The following UNC80 variants were observed in gnomAD, a reference collection of about 807,000 sequenced individuals.
UNC80 encodes unc-80 subunit of NALCN channel complex.
In UNC80, 164 loss-of-function variants were observed where a neutral mutation model predicts 384.6. The ratio of observed to expected loss-of-function variants is 0.43; its 90% CI spans 0.38 to 0.49. UNC80 has a LOEUF of 0.49. Ranked by LOEUF, UNC80 falls within the 20% of genes least tolerant of loss-of-function variation. The pLI, the probability that UNC80 is intolerant of heterozygous loss-of-function variation, is 0.00. For missense variants in UNC80, 3,330 were observed against 4,143.0 expected, an observed-to-expected ratio of 0.80 and a Z score of 5.39; for synonymous variants, 1,486 against 1,527.8, an observed-to-expected ratio of 0.97 and a Z score of 0.64.
chr2:209,889,141 A>G (rs185017987), intron 26 of UNC80, among the ~76,000 whole-genome samples: 3 of 152,228 alleles, frequency 2.0e-5, no homozygotes, highest in Non-Finnish European at 4.4e-5. Flanking sequence ...TTAACCAGAT[A>G]TGAAGTTTTT....
chr2:209,905,995 T>C (rs1055703643), intron 29 of UNC80, among the ~76,000 whole-genome samples: 5 of 152,228 alleles, frequency 3.3e-5, no homozygotes, highest in African/African-American at 1.2e-4. Flanking sequence ...GAGATTTTTA[T>C]ATAACACCTA....
intron 35 of UNC80, 99 bp from the exon 36 acceptor site, chr2:209,926,744 C>G: frequency 6.9e-7 from 1 of 1,443,158 alleles, no homozygotes; most frequent in East Asian, 2.5e-5. Flanking sequence ...CCACTGTACT[C>G]CAGCCTGGGT....
In UNC80 at chr2:209,834,952, TCTG is replaced by T; in HGVS notation, c.2985_2987del (p.Ala996del). On this transcript the variant is annotated inframe_deletion, in exon 18 of 65. Transcript: ENST00000673920. ...CATTGTGGATAAAGGCCAGGTATCC[TCTG>T]CACCTGAGGAATGTCGCAGCTTCAT... 3.9e-6 allele frequency: 6 copies of T among 1,551,226 alleles called. No homozygotes were observed. Among genetic ancestry groups the T allele is most frequent in the Non-Finnish European group, 5.2e-6 (6 of 1,146,586 alleles).
chr2:209,801,466 T>A (rs2078548885), intron 7 of UNC80, among the ~76,000 whole-genome samples: 1 of 143,442 alleles, frequency 7.0e-6, no homozygotes, highest in Non-Finnish European at 1.5e-5. Flanking sequence ...CACTGCAATC[T>A]CTGCCTCTTG....
chr2:209,945,137 C>G lies in UNC80; in HGVS notation c.7137C>G (p.Asp2379Glu). 1 of 1,551,506 alleles carries G rather than the reference C, an allele frequency of 6.4e-7. No homozygotes were observed. The highest frequency in any genetic ancestry group is 8.7e-7 in the Non-Finnish European group (1 of 1,146,892). ...AGTCCCTAGAGGGAGAGACCACCGACATATTAGACATCTTAGAGCTGGTCA... is the reference window on the plus strand; with the variant it reads ...AGTCCCTAGAGGGAGAGACCACCGAGATATTAGACATCTTAGAGCTGGTCA... ...LLQSLEGETTDILDILELVKA... is the reference protein window; with the variant it reads ...LLQSLEGETTEILDILELVKA... Residue 2379 changes from aspartate to glutamate, a missense_variant, in exon 46 of 65, where the codon GAC (aspartate) becomes GAG (glutamate). By Grantham distance (45) the Asp-to-Glu change is conservative (BLOSUM62 2). Transcript: ENST00000673920.
intron 52 of UNC80, chr2:209,969,526 C>A: frequency 2.0e-6 from 1 of 500,190 alleles, no homozygotes; most frequent in Non-Finnish European, 3.5e-6. Flanking sequence ...TAAAATGCAA[C>A]CCATTCATCA....
In UNC80 at chr2:209,815,261, T is replaced by TCAC; in HGVS notation, c.1208_1210dup (p.Thr403dup). Reference sequence around the variant, plus strand: ...TCACTGTCTACCTTTATTAAGGATCTCACCATGAAGTGTAACGAGGAGGAA... The same window carrying TCAC: ...TCACTGTCTACCTTTATTAAGGATCTCACCACCATGAAGTGTAACGAGGAGGAA... On this transcript the variant is annotated inframe_insertion, in exon 9 of 65. Transcript: ENST00000673920. 2 of 1,551,466 alleles carry TCAC rather than the reference T, an allele frequency of 1.3e-6. No individual in the cohort carries two copies. The highest frequency in any genetic ancestry group is 1.7e-6 in the Non-Finnish European group (2 of 1,146,926).
intron 24 of UNC80, 55 bp from the exon 25 acceptor site, chr2:209,880,906 T>G: frequency 1.3e-6 from 2 of 1,511,422 alleles, no homozygotes; most frequent in Non-Finnish European, 1.8e-6. Context: ...AAACTATGCA[T>G]TTCTGTATTT....
intron 5 of UNC80, among the ~76,000 whole-genome samples, chr2:209,787,966 C>A (rs1212475250): frequency 1.3e-5 from 2 of 152,100 alleles, no homozygotes; most frequent in Non-Finnish European, 2.9e-5. Context: ...CCCCTGAAGA[C>A]CTTCCTTTGG....
At chr2:209,987,552 A>G (rs1193282728) in intron 61 of UNC80, among the ~76,000 whole-genome samples, 1 of 152,232 alleles carries the variant, frequency 6.6e-6, no homozygotes, top group Non-Finnish European at 1.5e-5. Flanking sequence ...TTCTCTCCAG[A>G]AGAATAGAGA....
chr2:209,987,686 A>C lies in UNC80; in HGVS notation c.9314+2774A>C, dbSNP rs1439013001. Among the ~76,000 whole-genome samples, 4 of 152,180 alleles carry C rather than the reference A, an allele frequency of 2.6e-5. No homozygotes were observed. The South Asian group carries it at 6.2e-4, about 24-fold the overall frequency. On this transcript the variant is annotated intron_variant, in intron 61 of 64. Coordinates refer to ENST00000673920, the MANE Select transcript of UNC80 (RefSeq NM_001371986.1). ...AGTCAACTCTAATTTTTTTTTAAAA[A>C]AAGATTATAATGCTACTTGAATTTG...
Position 209,998,881 on chromosome 2 carries a change from T to C in UNC80, c.*3286T>C, listed in dbSNP as rs2093519810. 1 of 152,212 alleles carries C rather than the reference T, an allele frequency of 6.6e-6. No homozygotes were observed. Among genetic ancestry groups the C allele is most frequent in the South Asian group, 2.1e-4 (1 of 4,836 alleles). 9.4% of individuals were successfully genotyped at this position (152,212 alleles called of 1,614,324 possible). The stretch of plus-strand genomic sequence containing the variant: ...GTAAAAAATCCCACTTCTTTTTACT[T>C]TAGTGGGTCTCAACTGCAGCATTTC... On this transcript the variant is annotated 3_prime_UTR_variant, in exon 65 of 65. Transcript: ENST00000673920.
intron 51 of UNC80, among the ~76,000 whole-genome samples, chr2:209,961,718 G>A (rs190928964): frequency 4.6e-5 from 7 of 152,194 alleles, no homozygotes; most frequent in East Asian, 1.9e-4. Flanking sequence ...ACAGTTGCTC[G>A]GTGAAACAAT....
Position 209,817,844 on chromosome 2 carries a change from G to T in UNC80, c.1585G>T (p.Ala529Ser), listed in dbSNP as rs143103069. Residue 529 changes from alanine (A) to serine (S), a missense_variant, in exon 11 of 65, where the codon GCC (alanine) becomes TCC (serine). Around this residue, in one of 8 missense-constraint regions of UNC80, gnomAD observed 937 missense variants for 1,026.8 expected, o/e 0.91. Coordinates refer to ENST00000673920, the MANE Select transcript of UNC80 (RefSeq NM_001371986.1). ...GACCCGGCGAGGCAGTTCAGATGCAGCCACTGAGATGGAGAGTCTGAGCGC... is the reference window on the plus strand; with the variant it reads ...GACCCGGCGAGGCAGTTCAGATGCATCCACTGAGATGGAGAGTCTGAGCGC... ...KLTRRGSSDA[A>S]TEMESLSARH... The T allele has an allele frequency of 2.3e-3, 3,642 of 1,551,658 alleles. 75 individuals are homozygous for T. In the African/African-American group the frequency reaches 0.04, roughly 17 times the overall value.
rs547542576 is a variant in UNC80 at position 209,852,819 on chromosome 2, C to T, written c.3627+3196C>T. On this transcript the variant is annotated intron_variant, in intron 22 of 64. Transcript: ENST00000673920. ...TGTTTCCTTTGTATTTGGTTTCATC[C>T]AATATGTGATTCACCAACTTCCAAT... Among the ~76,000 whole-genome samples, 71 of 152,128 alleles carry T rather than the reference C, an allele frequency of 4.7e-4. No individual in the cohort carries two copies. The South Asian group carries it at 8.5e-3, about 18-fold the overall frequency.
intron 7 of UNC80, among the ~76,000 whole-genome samples, chr2:209,801,324 G>C (rs190831185): frequency 7.0e-6 from 1 of 143,794 alleles, no homozygotes; most frequent in African/African-American, 2.6e-5. Context: ...TGCCTTTTTT[G>C]ATCTTTGCTG....
chr2:209,971,464 C>CAA (rs35804573), intron 54 of UNC80, among the ~76,000 whole-genome samples: 19,223 of 133,494 alleles, frequency 0.14, 1,431 homozygotes, highest in African/African-American at 0.16. Context: ...ATTCCCAAGG[C>CAA]AAAAAAAAAA....
chr2:209,920,751 A>G (rs1433297394), intron 33 of UNC80, among the ~76,000 whole-genome samples: 4 of 152,192 alleles, frequency 2.6e-5, no homozygotes, highest in Non-Finnish European at 4.4e-5. Context: ...TAACTGGCTT[A>G]TATGAGAGAT....
rs373795947 is a variant in UNC80, at chr2:209,939,608, G to A, written c.6602G>A (p.Arg2201His). 11 of 1,551,466 alleles carry A rather than the reference G, an allele frequency of 7.1e-6. No homozygotes were observed. The highest frequency in any genetic ancestry group is 5.5e-5 in the African/African-American group (4 of 72,990). The change falls in exon 43 of 65, where the codon CGT becomes CAT. Residue 2201 changes from arginine to histidine, a missense_variant. Physicochemically the swap from Arg to His is conservative, Grantham distance 29. This residue lies in a region of UNC80 where 1,049 missense variants were observed against 1,488.6 expected (regional missense o/e 0.70). Coordinates refer to ENST00000673920, the MANE Select transcript of UNC80 (RefSeq NM_001371986.1). ...EDLLRLPSFP[R>H]SAIDAEFSLF... The stretch of plus-strand genomic sequence containing the variant: ...CTCCTCCGCCTGCCCTCATTCCCTC[G>A]TAGTGCTATTGATGCTGAGTTTTCA...
Sources: allele counts gnomAD v4.1 joint callset (sites outside exome capture counted in the v4.1 genomes callset), GRCh38; gene constraint gnomAD v4.1.1; regional missense constraint gnomAD v4.1.1; transcripts MANE v1.5; gene names NCBI Gene and HGNC (gene_info 2026-07-23, HGNC 2026-07-21).